FLVCR2: variants seen among roughly 807,000 people sequenced by gnomAD.
The protein encoded by FLVCR2 is choline/ethanolamine transporter FLVCR2.
A neutral mutation model predicts 48.9 loss-of-function variants in FLVCR2; 38 were observed. The ratio of observed to expected loss-of-function variants is 0.78; its 90% CI spans 0.60 to 1.02. The LOEUF is 1.02. FLVCR2 is among the 50% of genes least tolerant of loss of function. FLVCR2 has a pLI of 0.00. For synonymous variants in FLVCR2, 255 were observed against 257.0 expected (o/e 0.99, Z 0.07); for missense variants, 664 against 663.3 (o/e 1.00, Z -0.01).
intron 5 of FLVCR2, among the ~76,000 whole-genome samples, chr14:75,635,756 T>C (rs1890153019): frequency 6.6e-6 from 1 of 151,898 alleles, no homozygotes; most frequent in African/African-American, 2.4e-5. Context: ...TCCCAGCTAT[T>C]TGGGAGGCTG....
At chr14:75,625,830 C>T (rs531158924) in intron 3 of FLVCR2, among the ~76,000 whole-genome samples, 2 of 152,026 alleles carry the variant, frequency 1.3e-5, no homozygotes, top group East Asian at 1.9e-4. Flanking sequence ...ATTTAACTTC[C>T]AGTACACCTA....
intron 5 of FLVCR2, among the ~76,000 whole-genome samples, chr14:75,639,044 G>A (rs187255381): frequency 4.6e-5 from 7 of 152,208 alleles, no homozygotes; most frequent in Admixed American, 2.0e-4. Flanking sequence ...GCAAAACACC[G>A]TCTCTATGAA....
chr14:75,646,531 T>TC lies in FLVCR2; in HGVS notation c.*60dup. ...ACCCCACCTTTTCCTTCAGCACAGC[T>TC]CTCACCGCCAGCACAAAGGGCTTCG... On this transcript the variant is annotated 3_prime_UTR_variant, in exon 10 of 10. Coordinates refer to ENST00000238667, the MANE Select transcript of FLVCR2 (RefSeq NM_017791.3). 8.1e-7 allele frequency: 1 copy of TC among 1,233,750 alleles called. No individual in the cohort carries two copies. Among genetic ancestry groups the TC allele is most frequent in the Non-Finnish European group, 1.2e-6 (1 of 835,234 alleles). 76.4% of individuals were successfully genotyped at this position (1,233,750 alleles called of 1,614,324 possible).
At chr14:75,597,494 A>C (rs1220448097) in intron 1 of FLVCR2, among the ~76,000 whole-genome samples, 5 of 152,180 alleles carry the variant, frequency 3.3e-5, no homozygotes, top group African/African-American at 1.2e-4. Context: ...CCATGGGGAT[A>C]GATGAAAATA....
intron 3 of FLVCR2, among the ~76,000 whole-genome samples, chr14:75,631,194 C>T (rs367850793): frequency 5.4e-4 from 83 of 152,318 alleles, no homozygotes; most frequent in Middle Eastern, 3.4e-3. Context: ...CCTTCCCTCT[C>T]GCCGCCCTTT....
intron 5 of FLVCR2, among the ~76,000 whole-genome samples, chr14:75,637,292 A>G (rs984670184): frequency 1.3e-5 from 2 of 152,234 alleles, no homozygotes; most frequent in African/African-American, 4.8e-5. Context: ...GTAAAGGTTG[A>G]ATTGAAATAA....
At chr14:75,629,214 G>C (rs1020640997) in intron 3 of FLVCR2, among the ~76,000 whole-genome samples, 7 of 152,110 alleles carry the variant, frequency 4.6e-5, no homozygotes, top group African/African-American at 1.7e-4. Context: ...CTGAATTTCA[G>C]ATAAACAACA....
At chr14:75,613,624 C>T (rs780413377) in intron 1 of FLVCR2, among the ~76,000 whole-genome samples, 14 of 152,050 alleles carry the variant, frequency 9.2e-5, no homozygotes, top group Non-Finnish European at 1.9e-4. Context: ...CATCTTGGCC[C>T]ACTGCAACCT....
At chr14:75,646,321 T>C (rs894924855) in intron 9 of FLVCR2, 80 bp from the exon 10 acceptor site, 1 of 951,412 alleles carries the variant, frequency 1.1e-6, no homozygotes. Flanking sequence ...CACTGATTAG[T>C]CATGGCCAGG....
chr14:75,623,628 A>G (rs996920246), intron 2 of FLVCR2, among the ~76,000 whole-genome samples: 9 of 151,394 alleles, frequency 5.9e-5, no homozygotes, highest in Non-Finnish European at 1.3e-4. Context: ...CTGCTTTTCC[A>G]TCATGTGTTG....
chr14:75,582,367 C>T (rs879676060), intron 1 of FLVCR2, among the ~76,000 whole-genome samples: 2 of 151,946 alleles, frequency 1.3e-5, no homozygotes, highest in African/African-American at 4.8e-5. Flanking sequence ...AGTGAGGGCT[C>T]GAGTTAAGGC....
At position 75,646,441 on chromosome 14, in the gene FLVCR2, T is replaced by C; in HGVS notation, c.1550T>C (p.Val517Ala). The C allele has an allele frequency of 6.2e-7, 1 of 1,613,940 alleles. No individual in the cohort carries two copies. Among genetic ancestry groups the C allele is most frequent in the Non-Finnish European group, 8.5e-7 (1 of 1,179,824 alleles). ...EEEEESNTSK[V>A]PTAVSEDHL Reference sequence around the variant, plus strand: ...GAGGAGGAGAGCAACACCAGCAAAGTGCCCACTGCTGTGTCAGAGGATCAT... The same window carrying C: ...GAGGAGGAGAGCAACACCAGCAAAGCGCCCACTGCTGTGTCAGAGGATCAT... The change falls in exon 10 of 10, where the codon GTG becomes GCG. Residue 517 changes from valine (V) to alanine (A), a missense_variant. Coordinates refer to ENST00000238667, the MANE Select transcript of FLVCR2 (RefSeq NM_017791.3).
intron 3 of FLVCR2, among the ~76,000 whole-genome samples, chr14:75,626,657 C>T (rs1463234674): frequency 6.6e-6 from 1 of 151,826 alleles, no homozygotes; most frequent in African/African-American, 2.4e-5. Flanking sequence ...TCCCCATCAC[C>T]GGAAGGTATT....
intron 1 of FLVCR2, among the ~76,000 whole-genome samples, chr14:75,597,011 G>C (rs911984092): frequency 6.6e-6 from 1 of 152,090 alleles, no homozygotes; most frequent in Non-Finnish European, 1.5e-5. Context: ...ATCAGGCATG[G>C]TGGCATATGT....
chr14:75,605,794 C>T, intron 1 of FLVCR2: 1 of 640,866 alleles, frequency 1.6e-6, no homozygotes, highest in East Asian at 2.8e-5. Flanking sequence ...CACAGCCCTG[C>T]CAGCTCCGGA....
intron 1 of FLVCR2, among the ~76,000 whole-genome samples, chr14:75,602,222 C>A (rs1187986110): frequency 6.6e-6 from 1 of 152,106 alleles, no homozygotes; most frequent in Non-Finnish European, 1.5e-5. Context: ...GGTCTCTAGC[C>A]CCCTCCCCTC....
chr14:75,639,506 T>C, intron 6 of FLVCR2, 44 bp downstream of exon 6: 1 of 1,343,208 alleles, frequency 7.4e-7, no homozygotes, highest in Non-Finnish European at 1.1e-6. Flanking sequence ...TACCATGCCA[T>C]GGCTCCCAGA....
intron 1 of FLVCR2, among the ~76,000 whole-genome samples, chr14:75,614,309 A>G (rs541403181): frequency 6.6e-6 from 1 of 152,352 alleles, no homozygotes; most frequent in East Asian, 1.9e-4. Flanking sequence ...ACAAATGTGC[A>G]GTGGCAATGG....
At chr14:75,616,895 C>G (rs187643126) in intron 1 of FLVCR2, among the ~76,000 whole-genome samples, 20 of 152,292 alleles carry the variant, frequency 1.3e-4, no homozygotes, top group Non-Finnish European at 2.5e-4. Flanking sequence ...GGACTGAAGC[C>G]CTCACCACTG....
Sources: gnomAD v4.1 joint callset for allele counts (sites outside exome capture counted in the v4.1 genomes callset) on GRCh38, gnomAD v4.1.1 for gene constraint, MANE v1.5 for transcripts, NCBI Gene and HGNC (gene_info 2026-07-23, HGNC 2026-07-21) for gene names.